GPBP1: variants seen among roughly 807,000 people sequenced by gnomAD.
GPBP1 encodes the protein GC-rich promoter binding protein 1.
Under a neutral mutation model 56.5 loss-of-function variants are expected in GPBP1, and 13 were observed. That is an observed-to-expected ratio of 0.23 (90% confidence interval 0.15 to 0.37). The LOEUF (loss-of-function observed/expected upper bound fraction) is 0.37. GPBP1 is among the 10% of genes least tolerant of loss of function. GPBP1 has a pLI of 1.00. For synonymous variants in GPBP1, 204 were observed against 188.9 expected (o/e 1.08, Z -0.66); for missense variants, 477 against 572.3 (o/e 0.83, Z 1.70).
At chr5:57,257,893 T>C (rs1277969407) in intron 10 of GPBP1, among the ~76,000 whole-genome samples, 2 of 152,150 alleles carry the variant, frequency 1.3e-5, no homozygotes, top group Admixed American at 6.5e-5. Context: ...TTAAGGGTGT[T>C]GAGTGGGATA....
chr5:57,199,534 CTTTTTAT>C (rs1019523458), intron 2 of GPBP1, among the ~76,000 whole-genome samples: 1 of 151,646 alleles, frequency 6.6e-6, no homozygotes, highest in African/African-American at 2.4e-5. Context: ...CTTTTCTTTT[CTTTTTAT>C]ATATATATAT....
intron 5 of GPBP1, among the ~76,000 whole-genome samples, chr5:57,233,115 A>G (rs1205772413): frequency 6.6e-6 from 1 of 152,204 alleles, no homozygotes; most frequent in East Asian, 1.9e-4. Context: ...TGAACGGATT[A>G]TAGCAAAAGA....
At chr5:57,243,457 T>TA (rs1740929619) in intron 6 of GPBP1, among the ~76,000 whole-genome samples, 1 of 152,078 alleles carries the variant, frequency 6.6e-6, no homozygotes, top group Non-Finnish European at 1.5e-5. Context: ...TGTCATCTCT[T>TA]ACTCTGCTAC....
At chr5:57,225,685 G>C (rs552078453) in intron 3 of GPBP1, among the ~76,000 whole-genome samples, 1 of 152,230 alleles carries the variant, frequency 6.6e-6, no homozygotes, top group East Asian at 1.9e-4. Flanking sequence ...GGTGCAGAAA[G>C]GTGAACAATT....
At chr5:57,234,061 C>G (rs1202676032) in intron 5 of GPBP1, among the ~76,000 whole-genome samples, 1 of 151,966 alleles carries the variant, frequency 6.6e-6, no homozygotes, top group Non-Finnish European at 1.5e-5. Flanking sequence ...ATGTAACCAC[C>G]GCCAAAATCT....
At chr5:57,174,753 A>G (rs1160239609) in intron 1 of GPBP1, among the ~76,000 whole-genome samples, 1 of 152,086 alleles carries the variant, frequency 6.6e-6, no homozygotes, top group Non-Finnish European at 1.5e-5. Flanking sequence ...CATTTTTGAG[A>G]GAGAACCATT....
At chr5:57,183,646 C>T (rs1754158895) in intron 2 of GPBP1, among the ~76,000 whole-genome samples, 2 of 151,766 alleles carry the variant, frequency 1.3e-5, no homozygotes, top group Admixed American at 6.6e-5. Context: ...GCCCCCCCAT[C>T]TCAAAAAAAG....
intron 10 of GPBP1, among the ~76,000 whole-genome samples, chr5:57,255,370 GT>G (rs1487831780): frequency 6.6e-6 from 1 of 152,112 alleles, no homozygotes; most frequent in Non-Finnish European, 1.5e-5. Context: ...AATTTGATTG[GT>G]CAGATGGCAT....
rs1465955307 is a variant in GPBP1 at position 57,264,506 on chromosome 5, A to G, written c.*1754A>G. 8 of 152,262 alleles carry G rather than the reference A, an allele frequency of 5.3e-5. No individual in the cohort carries two copies. Among genetic ancestry groups the G allele is most frequent in the Admixed American group, 4.6e-4 (7 of 15,308 alleles). The allele number at this position is 152,262 out of a possible 1,614,324, so 9.4% of individuals were successfully genotyped here. ...TGAGATCCACCTTACTGTGTTTTCTACTTTCAGAAAAGATTCTGTAGTTTT... is the reference window on the plus strand; with the variant it reads ...TGAGATCCACCTTACTGTGTTTTCTGCTTTCAGAAAAGATTCTGTAGTTTT... On this transcript the variant is annotated 3_prime_UTR_variant, in exon 12 of 12. Transcript: ENST00000506184.
chr5:57,213,636 T>TAC (rs574542944), intron 2 of GPBP1, among the ~76,000 whole-genome samples: 82 of 152,292 alleles, frequency 5.4e-4, no homozygotes, highest in African/African-American at 1.9e-3. Flanking sequence ...TGCTAATTGG[T>TAC]AGTTAAATCA....
At chr5:57,219,954 A>T (rs2111796809) in intron 3 of GPBP1, among the ~76,000 whole-genome samples, 1 of 151,468 alleles carries the variant, frequency 6.6e-6, no homozygotes, top group African/African-American at 2.4e-5. Flanking sequence ...CGGGAGGCTG[A>T]GCAGGAGAAT....
chr5:57,186,436 T>G (rs572339844), intron 2 of GPBP1, among the ~76,000 whole-genome samples: 2 of 152,186 alleles, frequency 1.3e-5, no homozygotes, highest in South Asian at 4.1e-4. Flanking sequence ...TGCTTTTGTG[T>G]CCTAAGAAAT....
chr5:57,241,914 G>A (rs1214801585), intron 6 of GPBP1, among the ~76,000 whole-genome samples: 1 of 152,136 alleles, frequency 6.6e-6, no homozygotes, highest in Non-Finnish European at 1.5e-5. Context: ...TTTCCTAGGA[G>A]AATTTGTGGA....
Position 57,225,562 on chromosome 5 carries a change from C to T in GPBP1, c.64-5284C>T, listed in dbSNP as rs181864101. 1.5e-3 allele frequency among the ~76,000 whole-genome samples: 234 copies of T among 151,090 alleles called. 1 individual carries two copies. Among genetic ancestry groups the T allele is most frequent in the African/African-American group, 2.9e-3 (120 of 41,152 alleles). On this transcript the variant is annotated intron_variant, in intron 3 of 11. Transcript: ENST00000506184. ...TAACTGTCCATATTAAAAAAAACTC[C>T]GACAGATTCTACAAAGTAAGAATTA...
At position 57,176,006 on chromosome 5, in the gene GPBP1, T is replaced by C. The variant is rs16877033; in HGVS notation, c.-452T>C. 1,152 of 398,596 alleles carry C rather than the reference T, an allele frequency of 2.9e-3. 20 individuals are homozygous for C. In the East Asian group the frequency reaches 0.038, roughly 13 times the overall value. The allele number at this position is 398,596 out of a possible 1,614,324, so 24.7% of individuals were successfully genotyped here. On this transcript the variant is annotated 5_prime_UTR_variant, in exon 2 of 12. Coordinates refer to ENST00000506184, the MANE Select transcript of GPBP1 (RefSeq NM_022913.4). ...ATGTTGCAGTTTTCCGGCAGCATGG[T>C]AGTATTGAGATAGCTATGTGTGTCT...
chr5:57,206,481 C>G (rs1163301895), intron 2 of GPBP1, among the ~76,000 whole-genome samples: 2 of 152,174 alleles, frequency 1.3e-5, no homozygotes, highest in African/African-American at 4.8e-5. Flanking sequence ...TCACTGCCAC[C>G]TCTGCCTCCT....
At chr5:57,231,374 A>T in intron 5 of GPBP1, 53 bp downstream of exon 5, 1 of 1,419,576 alleles carries the variant, frequency 7.0e-7, no homozygotes, top group South Asian at 1.2e-5. Context: ...TGCTATTTTA[A>T]GTGATTCTCC....
At chr5:57,187,113 T>C (rs1199194844) in intron 2 of GPBP1, among the ~76,000 whole-genome samples, 4 of 152,120 alleles carry the variant, frequency 2.6e-5, no homozygotes, top group African/African-American at 9.7e-5. Context: ...GATTTTTTTT[T>C]CTGCTTTAAC....
chr5:57,235,433 A>G lies in GPBP1; in HGVS notation c.412-533A>G, dbSNP rs375240609. ...CTTTTCTTTTTTTTTTTTGTTTTAA[A>G]TGAAAGCAAGTTTATTAAGAAAGTA... On this transcript the variant is annotated intron_variant, in intron 5 of 11. Coordinates refer to ENST00000506184, the MANE Select transcript of GPBP1 (RefSeq NM_022913.4). Among the ~76,000 whole-genome samples the G allele has an allele frequency of 1.8e-4, 27 of 151,742 alleles. No homozygotes were observed. The South Asian group carries it at 5.6e-3, about 31-fold the overall frequency.
Sources: gnomAD v4.1 joint callset for allele counts (sites outside exome capture counted in the v4.1 genomes callset) on GRCh38, gnomAD v4.1.1 for gene constraint, MANE v1.5 for transcripts, NCBI Gene and HGNC (gene_info 2026-07-23, HGNC 2026-07-21) for gene names.